Variants in AKAP12 observed in about 807,000 individuals in gnomAD.
AKAP12 encodes the protein A-kinase anchor protein 12.
In AKAP12, 32 loss-of-function variants were observed where a neutral mutation model predicts 79.9. That is an observed-to-expected ratio of 0.40 (90% confidence interval 0.30 to 0.54). The LOEUF (loss-of-function observed/expected upper bound fraction) is 0.54, where lower values mean the gene tolerates loss of function less well. AKAP12 is among the 20% of genes least tolerant of loss of function. The pLI, the probability that AKAP12 is intolerant of heterozygous loss-of-function variation, is 0.48. For synonymous variants in AKAP12, 808 were observed against 857.0 expected, an observed-to-expected ratio of 0.94 and a Z score of 1.00; for missense variants, 2,074 against 2,177.0, an observed-to-expected ratio of 0.95 and a Z score of 0.94.
intron 2 of AKAP12, among the ~76,000 whole-genome samples, chr6:151,248,984 C>T (rs1159210395): frequency 1.3e-5 from 2 of 149,972 alleles, no homozygotes; most frequent in East Asian, 3.9e-4. Flanking sequence ...AAGACTCTGT[C>T]TCAAAAAAAA....
intron 2 of AKAP12, among the ~76,000 whole-genome samples, chr6:151,261,826 C>G (rs1054579574): frequency 7.4e-5 from 11 of 149,574 alleles, no homozygotes; most frequent in Non-Finnish European, 1.6e-4. Flanking sequence ...GGCGTGAGCT[C>G]GGCTCACTGC....
intron 3 of AKAP12, among the ~76,000 whole-genome samples, chr6:151,337,577 T>G (rs1332567219): frequency 1.3e-5 from 2 of 148,202 alleles, no homozygotes; most frequent in Non-Finnish European, 3.0e-5. Context: ...AAAACTAAAA[T>G]GAATACAGAG....
intron 2 of AKAP12, among the ~76,000 whole-genome samples, chr6:151,281,134 G>A (rs1393495079): frequency 6.6e-6 from 1 of 152,160 alleles, no homozygotes; most frequent in African/African-American, 2.4e-5. Flanking sequence ...AGGGGCATGT[G>A]CGTGGTGTTC....
chr6:151,328,312 AG>A (rs1777583663), intron 3 of AKAP12, among the ~76,000 whole-genome samples: 2 of 130,268 alleles, frequency 1.5e-5, no homozygotes, highest in South Asian at 5.1e-4. Flanking sequence ...TGGGCGACAG[AG>A]CGAGACTCCA....
intron 3 of AKAP12, among the ~76,000 whole-genome samples, chr6:151,320,992 CTT>C (rs549558966): frequency 6.9e-6 from 1 of 145,800 alleles, no homozygotes. Flanking sequence ...TTCTTTCTTT[CTT>C]TTTTTTTTTT....
chr6:151,259,341 C>T (rs571717562), intron 2 of AKAP12, among the ~76,000 whole-genome samples: 41 of 151,198 alleles, frequency 2.7e-4, no homozygotes, highest in East Asian at 1.7e-3. Flanking sequence ...CCACGGCGCC[C>T]GGCCTATATT....
At chr6:151,348,653 CTTGTA>C (rs1056807569) in intron 3 of AKAP12, 53 bp from the exon 4 acceptor site, 4 of 1,254,840 alleles carry the variant, frequency 3.2e-6, no homozygotes, top group Non-Finnish European at 4.4e-6. Flanking sequence ...AAACAATTTT[CTTGTA>C]TTGTAATCAC....
intron 3 of AKAP12, 31 bp from the exon 4 acceptor site, chr6:151,348,680 T>TTTG: frequency 5.6e-6 from 2 of 355,202 alleles, no homozygotes; most frequent in Admixed American, 4.2e-5. Flanking sequence ...TTTTCTCTTC[T>TTTG]CCCCACCCCC....
chr6:151,277,274 A>T (rs1301143449), intron 2 of AKAP12, among the ~76,000 whole-genome samples: 1 of 152,200 alleles, frequency 6.6e-6, no homozygotes, highest in East Asian at 1.9e-4. Context: ...GTAGACTGGG[A>T]TGCTTTAGTA....
intron 2 of AKAP12, among the ~76,000 whole-genome samples, chr6:151,248,627 A>G (rs768628742): frequency 2.6e-5 from 4 of 152,200 alleles, no homozygotes; most frequent in Non-Finnish European, 5.9e-5. Flanking sequence ...TCCTTCACAC[A>G]TCTGGAGGAT....
intron 3 of AKAP12, among the ~76,000 whole-genome samples, chr6:151,337,126 T>C (rs1271905833): frequency 6.6e-6 from 1 of 152,168 alleles, no homozygotes; most frequent in African/African-American, 2.4e-5. Flanking sequence ...GTTGGGTAAA[T>C]CATCACTCTA....
chr6:151,326,821 T>TTTG (rs5880924), intron 3 of AKAP12, among the ~76,000 whole-genome samples: 7 of 151,500 alleles, frequency 4.6e-5, no homozygotes, highest in East Asian at 1.9e-4. Flanking sequence ...TTTGTTTGTT[T>TTTG]TTTGTTTGTT....
intron 2 of AKAP12, among the ~76,000 whole-genome samples, chr6:151,266,454 C>T (rs1447000973): frequency 3.9e-5 from 6 of 152,118 alleles, no homozygotes; most frequent in Admixed American, 3.9e-4. Context: ...GAGGAAGGCA[C>T]TGGATCTGTG....
chr6:151,341,144 C>T (rs890536901), intron 3 of AKAP12, among the ~76,000 whole-genome samples: 27 of 151,672 alleles, frequency 1.8e-4, no homozygotes, highest in African/African-American at 6.6e-4. Context: ...CTCCGCCTCC[C>T]TGGTTCAACC....
At chr6:151,325,542 G>C in intron 3 of AKAP12, 2 of 1,253,008 alleles carry the variant, frequency 1.6e-6, no homozygotes, top group African/African-American at 3.1e-5. Context: ...TGCGGCCCGG[G>C]CGGGGAAGTT....
chr6:151,327,160 T>G (rs1324619046), intron 3 of AKAP12, among the ~76,000 whole-genome samples: 3 of 151,260 alleles, frequency 2.0e-5, no homozygotes, highest in African/African-American at 7.3e-5. Flanking sequence ...TTCTAGGACT[T>G]AAAATTTTCT....
At chr6:151,311,467 G>A (rs940889802) in intron 3 of AKAP12, among the ~76,000 whole-genome samples, 2 of 152,142 alleles carry the variant, frequency 1.3e-5, no homozygotes, top group East Asian at 1.9e-4. Flanking sequence ...GGCGGCTCCC[G>A]GTGTGTGCAC....
chr6:151,256,415 T>G (rs1370911771), intron 2 of AKAP12, among the ~76,000 whole-genome samples: 3 of 152,114 alleles, frequency 2.0e-5, no homozygotes, highest in African/African-American at 7.2e-5. Flanking sequence ...TGTGGAGAAT[T>G]TTGAACAGTA....
chr6:151,268,787 G>T (rs1331449827), intron 2 of AKAP12, among the ~76,000 whole-genome samples: 2 of 151,960 alleles, frequency 1.3e-5, no homozygotes, highest in Non-Finnish European at 2.9e-5. Context: ...GGGACTACAG[G>T]CATGTGCCAC....
Sources: gnomAD v4.1 joint callset for allele counts (sites outside exome capture counted in the v4.1 genomes callset) on GRCh38, gnomAD v4.1.1 for gene constraint, MANE v1.5 for transcripts, NCBI Gene and HGNC (gene_info 2026-07-23, HGNC 2026-07-21) for gene names.